SLIT2: variants seen among roughly 807,000 people sequenced by gnomAD.
SLIT2 encodes slit guidance ligand 2.
In SLIT2, 41 loss-of-function variants were observed where a neutral mutation model predicts 185.7. The observed-to-expected ratio is 0.22, with a 90% confidence interval of 0.17 to 0.29. The LOEUF is 0.29. SLIT2 is among the 10% of genes least tolerant of loss of function. The pLI is 1.00. For synonymous variants in SLIT2, 693 were observed against 680.2 expected (o/e 1.02, Z -0.29); for missense variants, 1,571 against 1,909.0 (o/e 0.82, Z 3.30).
chr4:20,590,269 T>G (rs1195498338), intron 30 of SLIT2, among the ~76,000 whole-genome samples: 2 of 152,198 alleles, frequency 1.3e-5, no homozygotes, highest in African/African-American at 4.8e-5. Context: ...CCATGATTTT[T>G]TTTGTGAAGT....
At chr4:20,257,508 G>T (rs907381526) in intron 2 of SLIT2, among the ~76,000 whole-genome samples, 20 of 151,978 alleles carry the variant, frequency 1.3e-4, no homozygotes, top group Admixed American at 1.0e-3. Flanking sequence ...GTATGTATAT[G>T]ATGAATTACT....
chr4:20,451,725 T>A, intron 4 of SLIT2, among the ~76,000 whole-genome samples: 1 of 152,198 alleles, frequency 6.6e-6, no homozygotes, highest in East Asian at 1.9e-4. Context: ...TAAGTGCCTT[T>A]TTGGAACAGT....
At chr4:20,579,958 T>C (rs1218971849) in intron 29 of SLIT2, among the ~76,000 whole-genome samples, 2 of 144,976 alleles carry the variant, frequency 1.4e-5, no homozygotes, top group East Asian at 3.9e-4. Flanking sequence ...AACTCAAATA[T>C]TCTCCAAATA....
intron 4 of SLIT2, among the ~76,000 whole-genome samples, chr4:20,269,717 C>G (rs1006186267): frequency 1.3e-5 from 2 of 151,926 alleles, no homozygotes; most frequent in Non-Finnish European, 2.9e-5. Context: ...CATTAGCCCC[C>G]ACCTGGATGG....
intron 29 of SLIT2, among the ~76,000 whole-genome samples, chr4:20,587,632 T>G (rs924777977): frequency 6.6e-6 from 1 of 152,174 alleles, no homozygotes; most frequent in Non-Finnish European, 1.5e-5. Context: ...AACTCTCAGT[T>G]TTATTTTTTT....
intron 4 of SLIT2, among the ~76,000 whole-genome samples, chr4:20,412,019 A>T (rs1031589029): frequency 3.3e-5 from 5 of 152,172 alleles, no homozygotes; most frequent in Non-Finnish European, 5.9e-5. Flanking sequence ...AACCATCATT[A>T]ATATTCTTTC....
At chr4:20,440,970 T>C (rs1396454402) in intron 4 of SLIT2, among the ~76,000 whole-genome samples, 1 of 151,984 alleles carries the variant, frequency 6.6e-6, no homozygotes, top group Non-Finnish European at 1.5e-5. Context: ...CAATTAAAAC[T>C]ATAACCCCAA....
intron 4 of SLIT2, among the ~76,000 whole-genome samples, chr4:20,279,304 C>T (rs1304708724): frequency 2.0e-5 from 3 of 152,160 alleles, no homozygotes; most frequent in Non-Finnish European, 2.9e-5. Context: ...TTCTGCATTA[C>T]CTCTTCAACG....
intron 4 of SLIT2, among the ~76,000 whole-genome samples, chr4:20,320,719 G>T (rs993581709): frequency 1.3e-5 from 2 of 152,016 alleles, no homozygotes; most frequent in Admixed American, 1.3e-4. Flanking sequence ...TCACAAAGGG[G>T]TTAAGTGTTA....
At chr4:20,479,538 C>T (rs1321320274) in intron 5 of SLIT2, among the ~76,000 whole-genome samples, 1 of 151,836 alleles carries the variant, frequency 6.6e-6, no homozygotes, top group African/African-American at 2.4e-5. Context: ...CATTTTGTTT[C>T]TATCTCAAGT....
chr4:20,380,346 TC>T (rs750139808), intron 4 of SLIT2, among the ~76,000 whole-genome samples: 8 of 151,794 alleles, frequency 5.3e-5, no homozygotes, highest in Admixed American at 6.6e-5. Flanking sequence ...AAACCAAAAG[TC>T]CCCAAACCAA....
At chr4:20,421,192 AG>A (rs1728150837) in intron 4 of SLIT2, among the ~76,000 whole-genome samples, 1 of 152,140 alleles carries the variant, frequency 6.6e-6, no homozygotes, top group Admixed American at 6.5e-5. Context: ...GTGAAGGATG[AG>A]GGATGTCATT....
chr4:20,583,469 G>A (rs956569921), intron 29 of SLIT2, among the ~76,000 whole-genome samples: 3 of 152,246 alleles, frequency 2.0e-5, no homozygotes, highest in African/African-American at 7.2e-5. Flanking sequence ...TAGAAATGAA[G>A]GCAATAGGAA....
At chr4:20,371,119 G>T (rs1000889357) in intron 4 of SLIT2, among the ~76,000 whole-genome samples, 1 of 151,946 alleles carries the variant, frequency 6.6e-6, no homozygotes, top group Admixed American at 6.6e-5. Context: ...TGTGGGTTTG[G>T]GAGTGCACAA....
chr4:20,346,518 T>C (rs1165996613), intron 4 of SLIT2, among the ~76,000 whole-genome samples: 2 of 152,210 alleles, frequency 1.3e-5, no homozygotes, highest in African/African-American at 4.8e-5. Context: ...TAGTGTTGGA[T>C]GATGTATTAG....
intron 4 of SLIT2, among the ~76,000 whole-genome samples, chr4:20,309,906 C>T (rs1251704432): frequency 6.6e-6 from 1 of 151,728 alleles, no homozygotes; most frequent in Non-Finnish European, 1.5e-5. Context: ...ACTACAGGCG[C>T]CCACCACCAC....
chr4:20,368,427 C>T (rs1430518137), intron 4 of SLIT2, among the ~76,000 whole-genome samples: 2 of 151,612 alleles, frequency 1.3e-5, no homozygotes, highest in East Asian at 1.9e-4. Context: ...AATTTCTAAG[C>T]ACAACTTTTT....
chr4:20,289,961 T>C (rs1240008581), intron 4 of SLIT2, among the ~76,000 whole-genome samples: 2 of 152,232 alleles, frequency 1.3e-5, no homozygotes, highest in Non-Finnish European at 2.9e-5. Context: ...GTGCTCCAGC[T>C]GCACAGGCAT....
At chr4:20,318,489 T>C (rs1181053743) in intron 4 of SLIT2, among the ~76,000 whole-genome samples, 6 of 152,170 alleles carry the variant, frequency 3.9e-5, no homozygotes, top group Non-Finnish European at 8.8e-5. Flanking sequence ...AAAATAATGA[T>C]GAAACGAATT....
Sources: allele counts gnomAD v4.1 joint callset (sites outside exome capture counted in the v4.1 genomes callset), GRCh38; gene constraint gnomAD v4.1.1; transcripts MANE v1.5; gene names NCBI Gene and HGNC (gene_info 2026-07-23, HGNC 2026-07-21).